The following SCAI variants were observed in gnomAD, a reference collection of about 807,000 sequenced individuals.
The protein encoded by SCAI is suppressor of cancer cell invasion.
A neutral mutation model predicts 92.2 loss-of-function variants in SCAI; 24 were observed. That is an observed-to-expected ratio of 0.26 (90% CI 0.19 to 0.37). SCAI has a LOEUF of 0.37. SCAI is among the 10% of genes least tolerant of loss of function. The pLI is 1.00. For missense variants in SCAI, 450 were observed against 736.2 expected, an observed-to-expected ratio of 0.61 and a Z score of 4.50; for synonymous variants, 261 against 258.6, an observed-to-expected ratio of 1.01 and a Z score of -0.09.
At chr9:125,103,643 G>C (rs1002857871) in intron 2 of SCAI, among the ~76,000 whole-genome samples, 12 of 152,118 alleles carry the variant, frequency 7.9e-5, no homozygotes, top group South Asian at 4.1e-4. Flanking sequence ...CTAGTAAATT[G>C]TAAATCTAGG....
chr9:125,026,745 C>A, intron 6 of SCAI, 67 bp downstream of exon 6: 3 of 835,440 alleles, frequency 3.6e-6, no homozygotes, highest in East Asian at 2.5e-5. Flanking sequence ...CTTTTCCACA[C>A]AATTTCTACG....
At chr9:125,021,191 G>A (rs1219551860) in intron 6 of SCAI, among the ~76,000 whole-genome samples, 1 of 152,188 alleles carries the variant, frequency 6.6e-6, no homozygotes, top group Non-Finnish European at 1.5e-5. Context: ...GTGAGAAAAG[G>A]CTTCCTAAAG....
intron 2 of SCAI, among the ~76,000 whole-genome samples, chr9:125,096,388 T>G (rs1564411317): frequency 6.6e-6 from 1 of 152,096 alleles, no homozygotes; most frequent in Admixed American, 6.5e-5. Flanking sequence ...AAGATGAGAT[T>G]TGGGTGGGGA....
chr9:125,142,887 CT>C (rs1835702097), intron 1 of SCAI, among the ~76,000 whole-genome samples: 1 of 152,078 alleles, frequency 6.6e-6, no homozygotes. Context: ...CCAATTCCCC[CT>C]GAGCTCAAAC....
At position 125,143,375 on chromosome 9, in the gene SCAI, G is replaced by C; in HGVS notation, c.53+10C>G. On this transcript the variant is annotated intron_variant, in intron 1 of 17. Coordinates refer to ENST00000336505, the MANE Select transcript of SCAI (RefSeq NM_001144877.3). ...CATCCCCAACCCCGGCCTCCACCCA[G>C]CCCCCGCACCTGGGGGCCAGGCGAC... 7.8e-7 allele frequency: 1 copy of C among 1,278,616 alleles called. No homozygotes were observed. Among genetic ancestry groups the C allele is most frequent in the South Asian group, 1.8e-5 (1 of 56,830 alleles). The allele number at this position is 1,278,616 out of a possible 1,614,324, so 79.2% of individuals were successfully genotyped here.
chr9:124,959,200 A>T (rs893767474), intron 17 of SCAI, among the ~76,000 whole-genome samples: 1 of 150,830 alleles, frequency 6.6e-6, no homozygotes, highest in Non-Finnish European at 1.5e-5. Context: ...TGGCACATGT[A>T]TACATATGTA....
intron 17 of SCAI, among the ~76,000 whole-genome samples, chr9:124,958,619 G>A (rs901925567): frequency 1.3e-5 from 2 of 151,940 alleles, no homozygotes; most frequent in East Asian, 1.9e-4. Flanking sequence ...GAAGAAAATA[G>A]GAGAAGGCCA....
In SCAI at chr9:124,949,116, T is replaced by A. The variant is rs1185406907; in HGVS notation, c.*3691A>T. On this transcript the variant is annotated 3_prime_UTR_variant, in exon 18 of 18. Transcript: ENST00000336505. The surrounding 1 kb of genome is among the most constrained non-coding windows in gnomAD (Gnocchi z 4.0). The stretch of plus-strand genomic sequence containing the variant: ...GCTCATGCCTGTAATCCCAGCACTT[T>A]GGGAGGCCGAGGCCAACGGATCACC... 6.6e-6 allele frequency: 1 copy of A among 152,300 alleles called. No individual in the cohort carries two copies. The highest frequency in any genetic ancestry group is 1.5e-5 in the Non-Finnish European group (1 of 68,158). 9.4% of individuals were successfully genotyped at this position (152,300 alleles called of 1,614,324 possible). A position where few individuals can be genotyped will look rare whatever the true frequency, so the allele number is the denominator to read the frequency against.
At chr9:124,970,096 C>T (rs1424145338) in intron 17 of SCAI, among the ~76,000 whole-genome samples, 1 of 152,156 alleles carries the variant, frequency 6.6e-6, no homozygotes, top group Non-Finnish European at 1.5e-5. Context: ...TTGTGATCTG[C>T]CTGCCTCTGC....
intron 14 of SCAI, 135 bp from the exon 15 acceptor site, chr9:124,976,321 A>G: frequency 1.6e-6 from 1 of 634,622 alleles, no homozygotes; most frequent in South Asian, 1.8e-5. Flanking sequence ...CATCAGCAAC[A>G]GCTAAGGAGA....
At chr9:125,012,562 T>A (rs1564378127) in intron 9 of SCAI, among the ~76,000 whole-genome samples, 1 of 152,030 alleles carries the variant, frequency 6.6e-6, no homozygotes, top group Non-Finnish European at 1.5e-5. Context: ...AGACTTAGAC[T>A]CCCACACAAT....
intron 2 of SCAI, among the ~76,000 whole-genome samples, chr9:125,139,176 T>G (rs1835609846): frequency 6.6e-6 from 1 of 151,692 alleles, no homozygotes; most frequent in African/African-American, 2.4e-5. Flanking sequence ...ACTTTGAGAG[T>G]CTGAGGAAGG....
chr9:124,951,006 C>G lies in SCAI; in HGVS notation c.*1801G>C, dbSNP rs1442955978. The G allele has an allele frequency of 6.7e-6, 1 of 148,764 alleles. No homozygotes were observed. Among genetic ancestry groups the G allele is most frequent in the African/African-American group, 2.5e-5 (1 of 40,236 alleles). The allele number at this position is 148,764 out of a possible 1,614,324, so 9.2% of individuals were successfully genotyped here. A position where few individuals can be genotyped will look rare whatever the true frequency, so the allele number is the denominator to read the frequency against. On this transcript the variant is annotated 3_prime_UTR_variant, in exon 18 of 18. Transcript: ENST00000336505. ...CCAGGAATTTGAGGCTGCAGTGAGCCATGAATGTACCGCTGCACCCCAACC... is the reference window on the plus strand; with the variant it reads ...CCAGGAATTTGAGGCTGCAGTGAGCGATGAATGTACCGCTGCACCCCAACC...
intron 14 of SCAI, among the ~76,000 whole-genome samples, chr9:124,977,744 A>G (rs1345604276): frequency 6.6e-6 from 1 of 152,214 alleles, no homozygotes. Context: ...TGCTGGTACA[A>G]GAGTAGGCAG....
chr9:125,054,811 G>A (rs1833631732), intron 3 of SCAI, among the ~76,000 whole-genome samples: 1 of 152,120 alleles, frequency 6.6e-6, no homozygotes, highest in Non-Finnish European at 1.5e-5. Flanking sequence ...TATTCACAAA[G>A]CCTTTACAAT....
In SCAI at chr9:125,002,035, A is replaced by G. The variant is rs974916556; in HGVS notation, c.1074T>C (p.Pro358=). ...TFLAASFKEL[P]ANSVLLIYLS... is the part of the protein sequence containing the mutation. ...GGTAAATCAGAAGCACGCTATTGGC[A>G]GGCAGCTCCTGAAATGAAAGAAAAT... Residue 358 remains proline, a synonymous_variant, in exon 12 of 18, where the codon CCT becomes CCC. Transcript: ENST00000336505. 2.5e-6 allele frequency: 4 copies of G among 1,612,308 alleles called. No individual in the cohort carries two copies. The highest frequency in any genetic ancestry group is 3.4e-6 in the Non-Finnish European group (4 of 1,178,272).
At chr9:125,052,198 A>G (rs1390577126) in intron 3 of SCAI, among the ~76,000 whole-genome samples, 1 of 152,264 alleles carries the variant, frequency 6.6e-6, no homozygotes, top group African/African-American at 2.4e-5. Flanking sequence ...CCAAAAGTAC[A>G]AGCAATGAAA....
intron 2 of SCAI, among the ~76,000 whole-genome samples, chr9:125,128,007 C>CAAAA (rs371348694): frequency 7.4e-6 from 1 of 134,606 alleles, no homozygotes. Context: ...GACTGCATCT[C>CAAAA]AAAAAAAAAA....
At chr9:125,108,940 T>C (rs554606980) in intron 2 of SCAI, among the ~76,000 whole-genome samples, 3 of 152,236 alleles carry the variant, frequency 2.0e-5, no homozygotes, top group African/African-American at 4.8e-5. Context: ...GGGGAAAAGA[T>C]AGAGAAATCA....
Sources: gnomAD v4.1 joint callset for allele counts (sites outside exome capture counted in the v4.1 genomes callset) on GRCh38, gnomAD v4.1.1 for gene constraint, Gnocchi (gnomAD v3.1) non-coding constraint, MANE v1.5 for transcripts, NCBI Gene and HGNC (gene_info 2026-07-23, HGNC 2026-07-21) for gene names.